PCDH15: variants seen among roughly 807,000 people sequenced by gnomAD.
PCDH15 encodes protocadherin related 15.
PCDH15 carries 129 observed loss-of-function variants against 178.5 expected under a neutral mutation model. The ratio of observed to expected loss-of-function variants is 0.72; its 90% CI spans 0.63 to 0.84. The LOEUF is 0.84. Among genes scored for constraint, PCDH15 ranks in the 40% least tolerant of loss-of-function variants. The pLI, the probability that PCDH15 is intolerant of heterozygous loss-of-function variation, is 0.00. For synonymous variants in PCDH15, 800 were observed against 732.0 expected (o/e 1.09, Z -1.50); for missense variants, 2,230 against 2,099.9 (o/e 1.06, Z -1.21).
chr10:54,959,401 C>G (rs903637731), intron 2 of PCDH15, among the ~76,000 whole-genome samples: 3 of 151,858 alleles, frequency 2.0e-5, no homozygotes, highest in Non-Finnish European at 2.9e-5. Flanking sequence ...TTTGCAAACT[C>G]TAATCAAATA....
At chr10:54,948,716 G>T (rs1269305016) in intron 2 of PCDH15, among the ~76,000 whole-genome samples, 1 of 151,834 alleles carries the variant, frequency 6.6e-6, no homozygotes, top group African/African-American at 2.4e-5. Flanking sequence ...AATTAAGTAA[G>T]CCAATCCCTT....
At chr10:55,480,423 T>A (rs1840155306) in intron 2 of PCDH15, among the ~76,000 whole-genome samples, 1 of 151,726 alleles carries the variant, frequency 6.6e-6, no homozygotes, top group Admixed American at 6.6e-5. Flanking sequence ...TCAAGGGGAA[T>A]GCTCCCAGCT....
intron 2 of PCDH15, among the ~76,000 whole-genome samples, chr10:55,359,747 T>TATATACACAC (rs1491280747): frequency 1.8e-3 from 151 of 81,626 alleles, no homozygotes; most frequent in African/African-American, 5.2e-3. Context: ...TATATATATA[T>TATATACACAC]ACACACACAC....
intron 23 of PCDH15, among the ~76,000 whole-genome samples, chr10:53,944,871 C>T (rs573246291): frequency 6.6e-6 from 1 of 152,152 alleles, no homozygotes; most frequent in Non-Finnish European, 1.5e-5. Context: ...CTCAAAGGCC[C>T]TTTCACAAGG....
At chr10:55,315,256 A>T (rs1227315496) in intron 1 of PCDH15, among the ~76,000 whole-genome samples, 7 of 152,184 alleles carry the variant, frequency 4.6e-5, no homozygotes, top group Non-Finnish European at 4.4e-5. Flanking sequence ...AGACTATATT[A>T]TAAAAACTAT....
chr10:54,472,644 A>T (rs1465817023), intron 3 of PCDH15, among the ~76,000 whole-genome samples: 1 of 152,140 alleles, frequency 6.6e-6, no homozygotes, highest in Admixed American at 6.6e-5. Flanking sequence ...AATCCAGAAA[A>T]ATTAAAATTA....
intron 3 of PCDH15, among the ~76,000 whole-genome samples, chr10:54,405,060 G>C (rs1160199829): frequency 6.6e-6 from 1 of 152,066 alleles, no homozygotes; most frequent in Non-Finnish European, 1.5e-5. Context: ...GGTGGGAGTG[G>C]AAATTAGTCC....
chr10:54,600,745 G>T (rs766283850), intron 2 of PCDH15: 5 of 501,460 alleles, frequency 1.0e-5, no homozygotes, highest in Non-Finnish European at 1.9e-5. Flanking sequence ...GTGATTGACA[G>T]CTTCAAAACA....
intron 21 of PCDH15, among the ~76,000 whole-genome samples, chr10:53,964,607 A>C (rs1421092382): frequency 6.6e-6 from 1 of 151,902 alleles, no homozygotes; most frequent in Non-Finnish European, 1.5e-5. Flanking sequence ...AAGTATTCAT[A>C]TATTTGAAGG....
Position 53,803,585 on chromosome 10 carries a change from A to G in PCDH15, c.*2994T>C, listed in dbSNP as rs892733058. The G allele has an allele frequency of 6.6e-6, 1 of 152,000 alleles. No individual in the cohort carries two copies. Among genetic ancestry groups the G allele is most frequent in the African/African-American group, 2.4e-5 (1 of 41,426 alleles). The allele number at this position is 152,000 out of a possible 1,614,324, so 9.4% of individuals were successfully genotyped here. On this transcript the variant is annotated 3_prime_UTR_variant, in exon 38 of 38. Coordinates refer to ENST00000644397, the MANE Select transcript of PCDH15 (RefSeq NM_001384140.1). Reference sequence around the variant, plus strand: ...GTATTTTAAAAAGATGGTTTTGGCCAACCTACGGTTGCAATTCTATGACAA... The same window carrying G: ...GTATTTTAAAAAGATGGTTTTGGCCGACCTACGGTTGCAATTCTATGACAA...
At chr10:54,359,401 T>C (rs1041345517) in intron 5 of PCDH15, among the ~76,000 whole-genome samples, 14 of 151,652 alleles carry the variant, frequency 9.2e-5, no homozygotes, top group Non-Finnish European at 1.5e-4. Context: ...GAACTGTATA[T>C]GGGACATATG....
chr10:55,169,845 C>T (rs1414202907), intron 1 of PCDH15, among the ~76,000 whole-genome samples: 1 of 151,982 alleles, frequency 6.6e-6, no homozygotes, highest in East Asian at 1.9e-4. Context: ...TTTGAAAATC[C>T]TTAAGGATAC....
intron 1 of PCDH15, among the ~76,000 whole-genome samples, chr10:55,207,188 G>T (rs1263977440): frequency 6.6e-6 from 1 of 151,998 alleles, no homozygotes; most frequent in East Asian, 1.9e-4. Flanking sequence ...CTTACAACAT[G>T]ATGAATTTGC....
At chr10:54,990,226 ACT>A (rs893627730) in intron 2 of PCDH15, among the ~76,000 whole-genome samples, 2 of 152,108 alleles carry the variant, frequency 1.3e-5, no homozygotes, top group African/African-American at 4.8e-5. Context: ...GCCTTAATAA[ACT>A]CTGCAGTAAA....
At chr10:54,219,950 G>C (rs2134178531) in intron 9 of PCDH15, among the ~76,000 whole-genome samples, 1 of 152,036 alleles carries the variant, frequency 6.6e-6, no homozygotes, top group Non-Finnish European at 1.5e-5. Context: ...AATAAGTTTG[G>C]CCAAGTCTTC....
chr10:55,038,557 A>T (rs907593724), intron 2 of PCDH15, among the ~76,000 whole-genome samples: 2 of 152,206 alleles, frequency 1.3e-5, no homozygotes, highest in Non-Finnish European at 2.9e-5. Context: ...CTTTTATACG[A>T]GTCTGGTTAT....
At position 54,116,463 on chromosome 10, in the gene PCDH15, A is replaced by G. The variant is rs540782215; in HGVS notation, c.1917+16412T>C. On this transcript the variant is annotated intron_variant, in intron 15 of 37. Coordinates refer to ENST00000644397, the MANE Select transcript of PCDH15 (RefSeq NM_001384140.1). ...TTTTGTTGTTGTTGCTTTGTGTTCA[A>G]TTGCAAGATATAATGGCAGTATTGC... Among the ~76,000 whole-genome samples, 6 of 152,336 alleles carry G rather than the reference A, an allele frequency of 3.9e-5. No homozygotes were observed. In the South Asian group the frequency reaches 1.0e-3, roughly 26 times the overall value.
intron 2 of PCDH15, among the ~76,000 whole-genome samples, chr10:54,972,939 T>G (rs1277046680): frequency 6.6e-6 from 1 of 151,562 alleles, no homozygotes; most frequent in Non-Finnish European, 1.5e-5. Flanking sequence ...AATGAGGTAT[T>G]ATTATGAAAT....
intron 2 of PCDH15, among the ~76,000 whole-genome samples, chr10:55,334,242 A>ATATATATG (rs1291195941): frequency 1.8e-3 from 127 of 72,130 alleles, no homozygotes; most frequent in Middle Eastern, 9.6e-3. Flanking sequence ...ATATATATAT[A>ATATATATG]TGTGTGTGTG....
Sources: allele counts gnomAD v4.1 joint callset (sites outside exome capture counted in the v4.1 genomes callset), GRCh38; gene constraint gnomAD v4.1.1; transcripts MANE v1.5; gene names NCBI Gene and HGNC (gene_info 2026-07-23, HGNC 2026-07-21).